IMMP2L: variants seen among roughly 807,000 people sequenced by gnomAD.
IMMP2L encodes inner mitochondrial membrane peptidase subunit 2.
In IMMP2L, 18 loss-of-function variants were observed where a neutral mutation model predicts 19.3. The ratio of observed to expected loss-of-function variants is 0.93; its 90% CI spans 0.64 to 1.38. The LOEUF (loss-of-function observed/expected upper bound fraction) is 1.38, where lower values mean the gene tolerates loss of function less well. Ranked by LOEUF, IMMP2L falls within the 40% of genes most tolerant of loss-of-function variation. The probability of loss-of-function intolerance (pLI) is 0.00; values close to 1 mark genes in which losing one functional copy is unlikely to be tolerated. For missense variants in IMMP2L, 233 were observed against 218.2 expected (o/e 1.07, Z -0.43); for synonymous variants, 76 against 73.0 (o/e 1.04, Z -0.21).
chr7:111,380,012 G>C (rs1831046161), intron 3 of IMMP2L, among the ~76,000 whole-genome samples: 1 of 151,896 alleles, frequency 6.6e-6, no homozygotes, highest in Non-Finnish European at 1.5e-5. Flanking sequence ...CTAGAAAATA[G>C]TAAAATAGCT....
chr7:110,673,185 C>A (rs575692386), intron 5 of IMMP2L, among the ~76,000 whole-genome samples: 64 of 152,374 alleles, frequency 4.2e-4, no homozygotes, highest in Non-Finnish European at 8.4e-4. Context: ...GCAGGCCCAA[C>A]CACATGGTAG....
intron 3 of IMMP2L, among the ~76,000 whole-genome samples, chr7:111,295,563 T>G (rs1821539000): frequency 6.6e-6 from 1 of 151,712 alleles, no homozygotes; most frequent in Non-Finnish European, 1.5e-5. Flanking sequence ...ACACATGAAA[T>G]ATGAATTGGG....
At chr7:111,394,522 TC>T (rs1479163823) in intron 3 of IMMP2L, among the ~76,000 whole-genome samples, 2 of 152,130 alleles carry the variant, frequency 1.3e-5, no homozygotes, top group Admixed American at 1.3e-4. Context: ...TTTTCATTTG[TC>T]CCCATATTAA....
chr7:111,193,619 T>C (rs1178374105), intron 3 of IMMP2L, among the ~76,000 whole-genome samples: 2 of 152,096 alleles, frequency 1.3e-5, no homozygotes, highest in African/African-American at 4.8e-5. Context: ...GTCCTCCGAA[T>C]GGGAAATCCT....
chr7:110,706,886 T>G (rs1584565576), intron 5 of IMMP2L, among the ~76,000 whole-genome samples: 1 of 152,044 alleles, frequency 6.6e-6, no homozygotes, highest in Non-Finnish European at 1.5e-5. Context: ...TTTGCTGTAA[T>G]TTTTTTGAGG....
intron 3 of IMMP2L, among the ~76,000 whole-genome samples, chr7:111,435,379 C>T (rs935371919): frequency 2.0e-5 from 3 of 151,788 alleles, no homozygotes; most frequent in Admixed American, 6.6e-5. Context: ...ATGTCCTTGG[C>T]AGCAACATGG....
In IMMP2L at chr7:110,902,931, CAAAAAAAAAAA is replaced by C. The variant is rs752631512; in HGVS notation, c.306-16247_306-16237del. Among the ~76,000 whole-genome samples the C allele has an allele frequency of 8.1e-4, 7 of 8,598 alleles. 2 individuals carry two copies. The highest frequency in any genetic ancestry group is 2.1e-3 in the Admixed American group (2 of 968). The allele number at this position is 8,598 out of a possible 152,430, so 5.6% of individuals were successfully genotyped here. ...TGGGCGACAGAGCGAGACTCCGTCTCAAAAAAAAAAAAAAAAAAAAAAAAAGAGTACAGACT... is the reference window on the plus strand; with the variant it reads ...TGGGCGACAGAGCGAGACTCCGTCTCAAAAAAAAAAAAAAGAGTACAGACT... On this transcript the variant is annotated intron_variant, in intron 4 of 5. Transcript: ENST00000405709.
intron 4 of IMMP2L, among the ~76,000 whole-genome samples, chr7:110,896,232 C>T (rs1811309015): frequency 6.6e-6 from 1 of 152,030 alleles, no homozygotes; most frequent in African/African-American, 2.4e-5. Context: ...TATAAGTTGA[C>T]TCAATATAGA....
rs1812748561 is a variant in IMMP2L, at chr7:111,223,542, T to C, written c.240-259977A>G. On this transcript the variant is annotated intron_variant, in intron 3 of 5. Transcript: ENST00000405709. ...CAACCATCTTTGCTATTGTAAACTCTTCAAAACCCTTTTTCATTAATTCAC... is the reference window on the plus strand; with the variant it reads ...CAACCATCTTTGCTATTGTAAACTCCTCAAAACCCTTTTTCATTAATTCAC... Among the ~76,000 whole-genome samples the C allele has an allele frequency of 2.0e-5, 3 of 152,256 alleles. 1 individual carries two copies. The South Asian group carries it at 6.2e-4, about 32-fold the overall frequency.
At chr7:110,910,400 T>C (rs1418126868) in intron 4 of IMMP2L, among the ~76,000 whole-genome samples, 2 of 152,218 alleles carry the variant, frequency 1.3e-5, no homozygotes, top group African/African-American at 4.8e-5. Flanking sequence ...GTAGTGTTTA[T>C]GTACTCATTC....
chr7:111,477,024 G>A (rs1210738977), intron 3 of IMMP2L, among the ~76,000 whole-genome samples: 1 of 152,162 alleles, frequency 6.6e-6, no homozygotes, highest in East Asian at 1.9e-4. Context: ...CAGGGAATTA[G>A]AGCATGGAAT....
chr7:111,362,789 T>A (rs1276767128), intron 3 of IMMP2L, among the ~76,000 whole-genome samples: 1 of 152,052 alleles, frequency 6.6e-6, no homozygotes, highest in Non-Finnish European at 1.5e-5. Context: ...GCAAGGGAAT[T>A]TTCCATCCTG....
At chr7:111,393,301 A>T (rs1210724606) in intron 3 of IMMP2L, among the ~76,000 whole-genome samples, 2 of 152,084 alleles carry the variant, frequency 1.3e-5, no homozygotes, top group African/African-American at 4.8e-5. Flanking sequence ...ATAATGCTTT[A>T]ATCTCTTTTT....
At chr7:111,371,203 C>G (rs892132874) in intron 3 of IMMP2L, among the ~76,000 whole-genome samples, 26 of 151,918 alleles carry the variant, frequency 1.7e-4, no homozygotes, top group African/African-American at 5.8e-4. Context: ...TGCTTGGACT[C>G]TTCTTCACTA....
At chr7:111,326,474 A>C (rs1256722058) in intron 3 of IMMP2L, among the ~76,000 whole-genome samples, 1 of 151,832 alleles carries the variant, frequency 6.6e-6, no homozygotes, top group Non-Finnish European at 1.5e-5. Flanking sequence ...GTTGTCTCTT[A>C]AACAATTCCA....
chr7:111,050,147 A>G (rs1792863080), intron 3 of IMMP2L, among the ~76,000 whole-genome samples: 1 of 152,212 alleles, frequency 6.6e-6, no homozygotes, highest in Non-Finnish European at 1.5e-5. Flanking sequence ...GGCATTCAAT[A>G]AGCACTCACT....
chr7:111,016,396 A>G (rs1256886180), intron 3 of IMMP2L, among the ~76,000 whole-genome samples: 1 of 141,206 alleles, frequency 7.1e-6, no homozygotes, highest in East Asian at 2.0e-4. Flanking sequence ...ATATTTTTAT[A>G]TATTTATATT....
rs183342841 is a variant in IMMP2L at position 111,125,555 on chromosome 7, T to C, written c.240-161990A>G. On this transcript the variant is annotated intron_variant, in intron 3 of 5. Transcript: ENST00000405709. The stretch of plus-strand genomic sequence containing the variant: ...AGAGTAAGACACTTTTCTTGGGTGA[T>C]GGGACTACCTACATTTTTATAAAGC... 3 of 161,782 alleles carry C rather than the reference T, an allele frequency of 1.9e-5. No individual in the cohort carries two copies. The Admixed American group carries it at 2.0e-4, about 11-fold the overall frequency. The allele number at this position is 161,782 out of a possible 1,614,324, so 10.0% of individuals were successfully genotyped here.
intron 3 of IMMP2L, among the ~76,000 whole-genome samples, chr7:111,270,380 C>T (rs933219290): frequency 6.6e-6 from 1 of 151,932 alleles, no homozygotes; most frequent in Admixed American, 6.6e-5. Context: ...CAGTATTATT[C>T]TTGAACATAG....
Sources: allele counts gnomAD v4.1 joint callset (sites outside exome capture counted in the v4.1 genomes callset), GRCh38; gene constraint gnomAD v4.1.1; transcripts MANE v1.5; gene names NCBI Gene and HGNC (gene_info 2026-07-23, HGNC 2026-07-21).